Variants in SYNPR observed in about 807,000 individuals in gnomAD.
SYNPR encodes the protein synaptoporin.
A neutral mutation model predicts 32.9 loss-of-function variants in SYNPR; 23 were observed. The observed-to-expected ratio is 0.70, with a 90% confidence interval of 0.50 to 0.99. The LOEUF is 0.99. SYNPR is among the 50% of genes least tolerant of loss of function. The probability of loss-of-function intolerance (pLI) is 0.00; values close to 1 mark genes in which losing one functional copy is unlikely to be tolerated. For missense variants in SYNPR, 318 were observed against 349.3 expected (o/e 0.91, Z 0.71); for synonymous variants, 146 against 135.9 (o/e 1.07, Z -0.52).
At chr3:63,344,536 CATATT>C in intron 2 of SYNPR, among the ~76,000 whole-genome samples, 1 of 144,444 alleles carries the variant, frequency 6.9e-6, no homozygotes, top group Admixed American at 7.2e-5. Context: ...GAAACAGGTG[CATATT>C]CAAAAAAGAT....
intron 1 of SYNPR, among the ~76,000 whole-genome samples, chr3:63,232,898 T>C (rs993602968): frequency 6.6e-6 from 1 of 152,212 alleles, no homozygotes; most frequent in African/African-American, 2.4e-5. Context: ...TTCCATGTTT[T>C]AAAAAATCGT....
chr3:63,291,928 T>C (rs571573706), intron 2 of SYNPR, among the ~76,000 whole-genome samples: 2 of 152,176 alleles, frequency 1.3e-5, no homozygotes, highest in Non-Finnish European at 2.9e-5. Flanking sequence ...GATTTCATCA[T>C]CGTGCATACA....
chr3:63,441,588 T>C (rs1700177345), intron 2 of SYNPR, among the ~76,000 whole-genome samples: 1 of 152,216 alleles, frequency 6.6e-6, no homozygotes. Context: ...AGGCTTTTTT[T>C]CCCTGCTTCA....
intron 2 of SYNPR, among the ~76,000 whole-genome samples, chr3:63,263,436 A>C (rs1346055709): frequency 2.0e-5 from 3 of 152,218 alleles, no homozygotes; most frequent in East Asian, 1.9e-4. Flanking sequence ...TATCTCATTT[A>C]ATCTTTATGC....
intron 2 of SYNPR, among the ~76,000 whole-genome samples, chr3:63,260,395 A>G (rs2106899388): frequency 6.6e-6 from 1 of 152,334 alleles, no homozygotes; most frequent in South Asian, 2.1e-4. Context: ...GGAACAGAAC[A>G]GAGCCCCCAG....
At chr3:63,387,913 A>C (rs1406818556) in intron 2 of SYNPR, among the ~76,000 whole-genome samples, 1 of 152,186 alleles carries the variant, frequency 6.6e-6, no homozygotes, top group Non-Finnish European at 1.5e-5. Context: ...AGACTGAAGA[A>C]ATGGATCAGA....
chr3:63,260,143 G>T (rs1391740761), intron 2 of SYNPR, among the ~76,000 whole-genome samples: 2 of 152,170 alleles, frequency 1.3e-5, no homozygotes, highest in African/African-American at 4.8e-5. Context: ...TGGCCATACT[G>T]CCCAAGGTAA....
At chr3:63,509,338 T>TTA (rs1469872951) in intron 3 of SYNPR, among the ~76,000 whole-genome samples, 2 of 150,866 alleles carry the variant, frequency 1.3e-5, no homozygotes, top group East Asian at 3.9e-4. Flanking sequence ...ATACATATTC[T>TTA]TATATATATA....
At chr3:63,211,502 A>G in the SYNPR span, among the ~76,000 whole-genome samples, 1 of 152,348 alleles carries the variant, frequency 6.6e-6, no homozygotes, top group Middle Eastern at 3.4e-3. Context: ...CTATCTCTCT[A>G]TAGGCTAATC....
At chr3:63,205,686 G>C in the SYNPR span, among the ~76,000 whole-genome samples, 1 of 152,316 alleles carries the variant, frequency 6.6e-6, no homozygotes, top group South Asian at 2.1e-4. Flanking sequence ...TTATTCAGCT[G>C]ATCTCTGAGA....
At chr3:63,420,963 C>T (rs1224003749) in intron 2 of SYNPR, among the ~76,000 whole-genome samples, 1 of 152,144 alleles carries the variant, frequency 6.6e-6, no homozygotes, top group African/African-American at 2.4e-5. Flanking sequence ...TCACTGCAGC[C>T]TCAACCTCCC....
chr3:63,416,131 A>G (rs913621196), intron 2 of SYNPR, among the ~76,000 whole-genome samples: 1 of 152,232 alleles, frequency 6.6e-6, no homozygotes, highest in Non-Finnish European at 1.5e-5. Context: ...TCAGTTCACA[A>G]GACTGTTTTT....
At chr3:63,605,957 A>T (rs1396265967) in intron 4 of SYNPR, among the ~76,000 whole-genome samples, 1 of 152,226 alleles carries the variant, frequency 6.6e-6, no homozygotes, top group Non-Finnish European at 1.5e-5. Context: ...TGCTGTCATT[A>T]TTGCTTTTAT....
At chr3:63,334,766 A>AT (rs1212239896) in intron 2 of SYNPR, among the ~76,000 whole-genome samples, 4 of 152,072 alleles carry the variant, frequency 2.6e-5, no homozygotes, top group South Asian at 2.1e-4. Flanking sequence ...ATTTTCTTTG[A>AT]TTTTTTTGTA....
At chr3:63,224,854 A>T (rs1458155684), upstream of SYNPR, among the ~76,000 whole-genome samples, 4 of 152,206 alleles carry the variant, frequency 2.6e-5, no homozygotes, top group African/African-American at 9.6e-5. Context: ...ACAGAGTCTC[A>T]AGAGGTCATC....
intron 2 of SYNPR, among the ~76,000 whole-genome samples, chr3:63,279,180 G>A (rs1024349304): frequency 6.6e-6 from 1 of 152,106 alleles, no homozygotes; most frequent in East Asian, 1.9e-4. Flanking sequence ...CAGAAAGTTG[G>A]TCAGAACTGA....
chr3:63,217,672 C>T, the SYNPR span, among the ~76,000 whole-genome samples: 3 of 151,654 alleles, frequency 2.0e-5, no homozygotes, highest in Non-Finnish European at 2.9e-5. Context: ...CCGTCTTCTG[C>T]GTCGCTCACG....
intron 3 of SYNPR, among the ~76,000 whole-genome samples, chr3:63,549,006 C>T (rs561759235): frequency 6.6e-6 from 1 of 152,256 alleles, no homozygotes; most frequent in East Asian, 1.9e-4. Flanking sequence ...CTTTGTTTTA[C>T]CTAATGTCTC....
At chr3:63,268,166 A>G (rs2086506630) in intron 3 of SYNPR, among the ~76,000 whole-genome samples, 1 of 152,230 alleles carries the variant, frequency 6.6e-6, no homozygotes, top group African/African-American at 2.4e-5. Context: ...AGCCTTTATT[A>G]AAGATTCATT....
Sources: allele counts gnomAD v4.1 joint callset (sites outside exome capture counted in the v4.1 genomes callset), GRCh38; gene constraint gnomAD v4.1.1; transcripts MANE v1.5; gene names NCBI Gene and HGNC (gene_info 2026-07-23, HGNC 2026-07-21).